The following UMAD1 variants were observed in gnomAD, a reference collection of about 807,000 sequenced individuals.
UMAD1 encodes UBAP1-MVB12-associated (UMA) domain containing 1, also known as UBAP1-MVB12-associated (UMA)-domain containing protein 1.
In UMAD1, 8 loss-of-function variants were observed where a neutral mutation model predicts 6.1. The ratio of observed to expected loss-of-function variants is 1.30; its 90% CI spans 0.76 to 2.35. The LOEUF (loss-of-function observed/expected upper bound fraction) is 2.35, where lower values mean the gene tolerates loss of function less well. UMAD1 is among the 30% of genes most tolerant of loss of function. The pLI, the probability that UMAD1 is intolerant of heterozygous loss-of-function variation, is 0.00. For synonymous variants in UMAD1, 56 were observed against 31.4 expected, an observed-to-expected ratio of 1.78 and a Z score of -2.61; for missense variants, 130 against 78.4, an observed-to-expected ratio of 1.66 and a Z score of -2.49.
At chr7:7,837,974 C>G (rs1440035450) in intron 3 of UMAD1, among the ~76,000 whole-genome samples, 2 of 152,176 alleles carry the variant, frequency 1.3e-5, no homozygotes, top group East Asian at 3.9e-4. Context: ...AGATTCATTT[C>G]ACCAGGAAAA....
chr7:7,841,698 G>T, intron 3 of UMAD1, among the ~76,000 whole-genome samples: 1 of 152,166 alleles, frequency 6.6e-6, no homozygotes, highest in South Asian at 2.1e-4. Flanking sequence ...AAGCAGCTTA[G>T]AAAAGACAAT....
chr7:7,707,320 C>G (rs1400109656), intron 2 of UMAD1, among the ~76,000 whole-genome samples: 1 of 152,118 alleles, frequency 6.6e-6, no homozygotes, highest in African/African-American at 2.4e-5. Flanking sequence ...AGAAAATATC[C>G]TCTAGGTATC....
chr7:7,653,844 A>T (rs763297699), intron 1 of UMAD1, among the ~76,000 whole-genome samples: 1 of 152,194 alleles, frequency 6.6e-6, no homozygotes, highest in Admixed American at 6.5e-5. Flanking sequence ...GGGGGATAGG[A>T]AGGCACTTAG....
intron 2 of UMAD1, among the ~76,000 whole-genome samples, chr7:7,798,403 A>T (rs1473283151): frequency 6.6e-6 from 1 of 152,232 alleles, no homozygotes; most frequent in Non-Finnish European, 1.5e-5. Context: ...TACATCTTGT[A>T]AAATTGTTTC....
chr7:7,827,556 A>G (rs997403874), intron 3 of UMAD1, among the ~76,000 whole-genome samples: 1 of 152,204 alleles, frequency 6.6e-6, no homozygotes, highest in African/African-American at 2.4e-5. Flanking sequence ...TGCCAATATC[A>G]TATACGTAAA....
intron 1 of UMAD1, among the ~76,000 whole-genome samples, chr7:7,648,834 C>T (rs936755325): frequency 1.3e-5 from 2 of 150,372 alleles, no homozygotes; most frequent in Non-Finnish European, 3.0e-5. Flanking sequence ...GCCTGGGCGA[C>T]AGAGTGAGAC....
intron 1 of UMAD1, among the ~76,000 whole-genome samples, chr7:7,644,783 C>T (rs1386027730): frequency 6.6e-6 from 1 of 152,030 alleles, no homozygotes; most frequent in South Asian, 2.1e-4. Context: ...GCTGTGTTCT[C>T]GGGAATGTCT....
chr7:7,819,308 C>CG (rs1184414036), intron 3 of UMAD1, among the ~76,000 whole-genome samples: 55 of 137,516 alleles, frequency 4.0e-4, no homozygotes, highest in African/African-American at 1.2e-3. Context: ...TATATTACTT[C>CG]TCAAAATTTT....
chr7:7,784,950 G>T (rs1053798551), intron 2 of UMAD1, among the ~76,000 whole-genome samples: 1 of 151,988 alleles, frequency 6.6e-6, no homozygotes, highest in African/African-American at 2.4e-5. Flanking sequence ...TTTTAGTAGA[G>T]ACGGGGTTTC....
Position 7,765,117 on chromosome 7 carries a change from A to C in UMAD1, c.83-36553A>C, listed in dbSNP as rs181623191. On this transcript the variant is annotated intron_variant, in intron 2 of 3. Coordinates refer to ENST00000682710, the MANE Select transcript of UMAD1 (RefSeq NM_001302348.2). ...TAGTCTTCCCTTCCCAAATCTGACAAATATATAGCTTTCTACTTATGTCAG... is the reference window on the plus strand; with the variant it reads ...TAGTCTTCCCTTCCCAAATCTGACACATATATAGCTTTCTACTTATGTCAG... 2.2e-4 allele frequency among the ~76,000 whole-genome samples: 33 copies of C among 152,040 alleles called. 1 individual carries two copies. The highest frequency in any genetic ancestry group is 7.2e-4 in the African/African-American group (30 of 41,478).
At position 7,745,781 on chromosome 7, in the gene UMAD1, T is replaced by A. The variant is rs553165206; in HGVS notation, c.83-55889T>A. 2.1e-3 allele frequency among the ~76,000 whole-genome samples: 318 copies of A among 152,340 alleles called. 2 individuals carry two copies. Among genetic ancestry groups the A allele is most frequent in the Middle Eastern group, 0.02 (6 of 294 alleles). On this transcript the variant is annotated intron_variant, in intron 2 of 3. Transcript: ENST00000682710. The stretch of plus-strand genomic sequence containing the variant: ...CTAGTACGATGACAAATGGCCTGTT[T>A]CCCCACATTTTCTTTCCATTCCCCC...
At chr7:7,667,484 A>G (rs990799954) in intron 1 of UMAD1, among the ~76,000 whole-genome samples, 14 of 152,174 alleles carry the variant, frequency 9.2e-5, no homozygotes, top group African/African-American at 3.4e-4. Flanking sequence ...TCTGCTAAGG[A>G]TTGCCTCAGA....
At chr7:7,857,161 A>C (rs1784033583) in intron 3 of UMAD1, among the ~76,000 whole-genome samples, 1 of 152,254 alleles carries the variant, frequency 6.6e-6, no homozygotes, top group Non-Finnish European at 1.5e-5. Context: ...CTCTTTGAGC[A>C]TGAAAGCACC....
chr7:7,836,123 C>G (rs1414107772), intron 3 of UMAD1, among the ~76,000 whole-genome samples: 1 of 151,998 alleles, frequency 6.6e-6, no homozygotes, highest in Non-Finnish European at 1.5e-5. Flanking sequence ...TTCTTAGCTA[C>G]AATAATTATA....
At chr7:7,848,940 T>C (rs767942620) in intron 3 of UMAD1, among the ~76,000 whole-genome samples, 12 of 152,182 alleles carry the variant, frequency 7.9e-5, no homozygotes, top group African/African-American at 1.2e-4. Flanking sequence ...ATATGCCACA[T>C]TCTTAAAGTA....
rs1299366202 is a variant in UMAD1, at chr7:7,847,096, A to AT, written c.157-30185_157-30184insT. Among the ~76,000 whole-genome samples the AT allele has an allele frequency of 1.8e-4, 9 of 50,062 alleles. 1 individual carries two copies. The highest frequency in any genetic ancestry group is 1.1e-3 in the African/African-American group (8 of 7,354). The allele number at this position is 50,062 out of a possible 152,430, so 32.8% of individuals were successfully genotyped here. A position where few individuals can be genotyped will look rare whatever the true frequency, so the allele number is the denominator to read the frequency against. ...AAAAAAGACAGCAATGCAAAAAAAA[A>AT]AAAAAAAAATATATATATATATATA... is the stretch of plus-strand genomic sequence containing the variant. On this transcript the variant is annotated intron_variant, in intron 3 of 3. Coordinates refer to ENST00000682710, the MANE Select transcript of UMAD1 (RefSeq NM_001302348.2).
At chr7:7,796,503 G>A (rs1425955113) in intron 2 of UMAD1, among the ~76,000 whole-genome samples, 5 of 151,888 alleles carry the variant, frequency 3.3e-5, no homozygotes, top group South Asian at 4.2e-4. Context: ...CGCCTGCCTC[G>A]GCCTCCCAAA....
intron 2 of UMAD1, among the ~76,000 whole-genome samples, chr7:7,693,873 A>G (rs1314093563): frequency 6.6e-6 from 1 of 152,104 alleles, no homozygotes; most frequent in Non-Finnish European, 1.5e-5. Context: ...GTGGGTTTTT[A>G]TATTGTTAAT....
intron 3 of UMAD1, among the ~76,000 whole-genome samples, chr7:7,811,428 C>T (rs957694228): frequency 5.3e-5 from 8 of 152,138 alleles, no homozygotes; most frequent in Non-Finnish European, 1.0e-4. Flanking sequence ...ATTTCTCCAA[C>T]CTTTATTTTC....
Sources: allele counts gnomAD v4.1 joint callset (sites outside exome capture counted in the v4.1 genomes callset), GRCh38; gene constraint gnomAD v4.1.1; transcripts MANE v1.5; gene names NCBI Gene and HGNC (gene_info 2026-07-23, HGNC 2026-07-21).